The following NRG1 variants were observed in gnomAD, a reference collection of about 807,000 sequenced individuals.
NRG1 encodes neuregulin 1.
In NRG1, 18 loss-of-function variants were observed where a neutral mutation model predicts 63.8. That is an observed-to-expected ratio of 0.28 (90% CI 0.19 to 0.42). NRG1 has a LOEUF of 0.42. Ranked by LOEUF, NRG1 falls within the 10% of genes least tolerant of loss-of-function variation. NRG1 has a pLI of 1.00. For missense variants in NRG1, 762 were observed against 814.7 expected (o/e 0.94, Z 0.79); for synonymous variants, 302 against 301.3 (o/e 1.00, Z -0.02).
chr8:32,131,823 T>C (rs1834858524), intron 1 of NRG1, among the ~76,000 whole-genome samples: 3 of 152,056 alleles, frequency 2.0e-5, no homozygotes, highest in Admixed American at 2.0e-4. Flanking sequence ...TTTCCTTCTT[T>C]GTGCATTAGT....
intron 1 of NRG1, among the ~76,000 whole-genome samples, chr8:32,434,401 CTT>C (rs1184376239): frequency 6.6e-6 from 1 of 152,036 alleles, no homozygotes; most frequent in East Asian, 1.9e-4. Context: ...ATTATCCAGA[CTT>C]TATAAATTTA....
intron 1 of NRG1, among the ~76,000 whole-genome samples, chr8:31,761,315 G>C (rs1188851168): frequency 6.6e-6 from 1 of 151,432 alleles, no homozygotes; most frequent in African/African-American, 2.4e-5. Context: ...GGTGAGGGGA[G>C]TGGGGAGGGA....
intron 11 of NRG1, chr8:32,761,030 G>T (rs551047925): frequency 1.0e-6 from 1 of 977,012 alleles, no homozygotes; most frequent in Admixed American, 6.1e-5. Context: ...AGCAGATACT[G>T]CCTTCAAGAT....
chr8:31,663,946 C>G (rs756399702), intron 1 of NRG1, among the ~76,000 whole-genome samples: 103 of 151,998 alleles, frequency 6.8e-4, no homozygotes, highest in Non-Finnish European at 1.1e-3. Context: ...ACACCTCAAG[C>G]TCTTATTAGG....
intron 1 of NRG1, among the ~76,000 whole-genome samples, chr8:31,907,371 C>G (rs1832611220): frequency 7.0e-6 from 1 of 143,480 alleles, no homozygotes; most frequent in Admixed American, 7.1e-5. Flanking sequence ...TTTAAGTATC[C>G]AAACCAGTCT....
At chr8:32,241,657 A>T (rs938486336) in intron 1 of NRG1, among the ~76,000 whole-genome samples, 1 of 152,190 alleles carries the variant, frequency 6.6e-6, no homozygotes, top group African/African-American at 2.4e-5. Flanking sequence ...ATGAGATCCC[A>T]TTAGGGTTCA....
At chr8:32,208,548 G>A (rs771111084) in intron 1 of NRG1, among the ~76,000 whole-genome samples, 2 of 151,986 alleles carry the variant, frequency 1.3e-5, no homozygotes, top group Non-Finnish European at 2.9e-5. Context: ...GTGAACCACC[G>A]GGCCCAGCCA....
At chr8:32,116,249 C>T (rs1832697032) in intron 1 of NRG1, among the ~76,000 whole-genome samples, 1 of 152,108 alleles carries the variant, frequency 6.6e-6, no homozygotes, top group East Asian at 1.9e-4. Flanking sequence ...TGTCTTTTGT[C>T]TTTCAGCACT....
intron 5 of NRG1, among the ~76,000 whole-genome samples, chr8:32,651,002 T>C (rs1441597114): frequency 6.6e-6 from 1 of 152,178 alleles, no homozygotes; most frequent in Non-Finnish European, 1.5e-5. Context: ...ATCCCAGTAA[T>C]TGTGTCTGCA....
intron 1 of NRG1, among the ~76,000 whole-genome samples, chr8:32,189,429 G>A (rs991856384): frequency 1.3e-5 from 2 of 152,154 alleles, no homozygotes; most frequent in Non-Finnish European, 2.9e-5. Flanking sequence ...TAGCACAATA[G>A]ATAAAGTCAA....
At chr8:32,110,665 G>A (rs1831893657) in intron 1 of NRG1, among the ~76,000 whole-genome samples, 1 of 152,132 alleles carries the variant, frequency 6.6e-6, no homozygotes. Context: ...TTATGTCACT[G>A]ATCTAAGGTT....
intron 1 of NRG1, among the ~76,000 whole-genome samples, chr8:32,348,367 C>A (rs1025603302): frequency 4.6e-5 from 7 of 151,982 alleles, no homozygotes; most frequent in Non-Finnish European, 8.8e-5. Flanking sequence ...TTCTTGTGAC[C>A]ATAAAATAAA....
intron 1 of NRG1, among the ~76,000 whole-genome samples, chr8:32,576,041 G>A (rs1310309045): frequency 5.3e-5 from 8 of 151,962 alleles, no homozygotes; most frequent in Non-Finnish European, 7.4e-5. Flanking sequence ...GGTATACAAC[G>A]TGATGTTTTG....
chr8:32,377,225 C>A (rs1809743839), intron 1 of NRG1, among the ~76,000 whole-genome samples: 2 of 152,204 alleles, frequency 1.3e-5, no homozygotes, highest in South Asian at 4.1e-4. Flanking sequence ...TTAACTTTGA[C>A]AGCTTTCTTC....
intron 1 of NRG1, among the ~76,000 whole-genome samples, chr8:32,226,052 C>G (rs570472337): frequency 3.3e-5 from 5 of 152,094 alleles, no homozygotes; most frequent in African/African-American, 4.8e-5. Context: ...GTTCAAGAAC[C>G]TGTTGCATTG....
chr8:31,995,661 C>T (rs1811850793), intron 1 of NRG1, among the ~76,000 whole-genome samples: 1 of 151,780 alleles, frequency 6.6e-6, no homozygotes, highest in South Asian at 2.1e-4. Flanking sequence ...TTGTATGTGT[C>T]CTATTTCCAT....
At chr8:31,894,963 T>C (rs1210742454) in intron 1 of NRG1, among the ~76,000 whole-genome samples, 1 of 152,240 alleles carries the variant, frequency 6.6e-6, no homozygotes, top group African/African-American at 2.4e-5. Context: ...AGGACTTACA[T>C]ATAACACCAG....
intron 1 of NRG1, among the ~76,000 whole-genome samples, chr8:31,743,989 C>A (rs1199332478): frequency 6.6e-6 from 1 of 151,934 alleles, no homozygotes; most frequent in Non-Finnish European, 1.5e-5. Flanking sequence ...TGTGAACATG[C>A]AAATTAACTA....
In NRG1 at chr8:32,759,238, A is replaced by G. The variant is rs968819570; in HGVS notation, c.922-68A>G. The G allele has an allele frequency of 1.3e-5, 20 of 1,509,448 alleles. No homozygotes were observed. The Admixed American group carries it at 2.3e-4, about 17-fold the overall frequency. 93.5% of individuals were successfully genotyped at this position (1,509,448 alleles called of 1,614,324 possible). A position where few individuals can be genotyped will look rare whatever the true frequency, so the allele number is the denominator to read the frequency against. Reference sequence around the variant, plus strand: ...CAGTGTTAACGTTTTTATTTACATGACAATATTAGTGCTTTGATTGACATG... The same window carrying G: ...CAGTGTTAACGTTTTTATTTACATGGCAATATTAGTGCTTTGATTGACATG... On this transcript the variant is annotated intron_variant, in intron 9 of 11. Coordinates refer to ENST00000356819, the Ensembl canonical transcript of NRG1.
Sources: allele counts gnomAD v4.1 joint callset (sites outside exome capture counted in the v4.1 genomes callset), GRCh38; gene constraint gnomAD v4.1.1; transcripts MANE v1.5; gene names NCBI Gene and HGNC (gene_info 2026-07-23, HGNC 2026-07-21).